SOCS2: variants seen among roughly 807,000 people sequenced by gnomAD.
The protein encoded by SOCS2 is suppressor of cytokine signaling 2.
Under a neutral mutation model 18.6 loss-of-function variants are expected in SOCS2, and 10 were observed. The observed-to-expected ratio is 0.54, with a 90% CI of 0.33 to 0.91. SOCS2 has a LOEUF of 0.91. SOCS2 is among the 40% of genes least tolerant of loss of function. The probability of loss-of-function intolerance (pLI) is 0.02; values close to 1 mark genes in which losing one functional copy is unlikely to be tolerated. For missense variants in SOCS2, 231 were observed against 247.2 expected (o/e 0.93, Z 0.44); for synonymous variants, 104 against 104.0 (o/e 1.00, Z 0.00).
At chr12:93,590,434 G>C in the SOCS2 span, among the ~76,000 whole-genome samples, 275 of 152,136 alleles carry the variant, frequency 1.8e-3, no homozygotes, top group African/African-American at 6.4e-3. Flanking sequence ...TCTGATTGCT[G>C]TTTACTGTTC....
chr12:93,606,859 G>A, the SOCS2 span, among the ~76,000 whole-genome samples: 2 of 152,056 alleles, frequency 1.3e-5, no homozygotes, highest in African/African-American at 4.8e-5. Context: ...TGCCATGTTG[G>A]TCAGGCTGGT....
the SOCS2 span, among the ~76,000 whole-genome samples, chr12:93,614,692 T>C: frequency 6.7e-6 from 1 of 148,974 alleles, no homozygotes. Context: ...CTCAGCCCAC[T>C]GCTACCTCTG....
upstream of SOCS2, chr12:93,572,355 C>T (rs1954286402): frequency 3.4e-6 from 1 of 298,282 alleles, no homozygotes; most frequent in East Asian, 9.1e-5. The surrounding 1 kb of genome is among the most constrained non-coding windows in gnomAD (Gnocchi z 5.0). Context: ...TGACAAGGGC[C>T]TATTCCCACT....
At chr12:93,602,915 C>G in the SOCS2 span, among the ~76,000 whole-genome samples, 2 of 152,168 alleles carry the variant, frequency 1.3e-5, no homozygotes, top group African/African-American at 4.8e-5. Context: ...TTGTAGTTTT[C>G]TAGGTGAAGT....
chr12:93,570,852 G>A (rs1954221551), upstream of SOCS2: 1 of 152,340 alleles, frequency 6.6e-6, no homozygotes, highest in South Asian at 2.1e-4. Flanking sequence ...TTGCGACCGA[G>A]CCTCTTTAAA....
chr12:93,623,476 GTGCAGGT>G, the SOCS2 span, among the ~76,000 whole-genome samples: 6 of 151,896 alleles, frequency 4.0e-5, no homozygotes, highest in Non-Finnish European at 8.8e-5. Flanking sequence ...TGTGCACAAT[GTGCAGGT>G]TAGTTACATA....
At chr12:93,593,776 G>A in the SOCS2 span, among the ~76,000 whole-genome samples, 1 of 152,110 alleles carries the variant, frequency 6.6e-6, no homozygotes, top group African/African-American at 2.4e-5. Flanking sequence ...AGATCTGGGT[G>A]TCAGCAAAAA....
At chr12:93,572,095 A>G (rs115937694), upstream of SOCS2, 3,882 of 173,756 alleles carry the variant, frequency 0.022, 167 homozygotes, top group African/African-American at 0.089. The surrounding 1 kb of genome is among the most constrained non-coding windows in gnomAD (Gnocchi z 5.0). Context: ...GGCACCCCCA[A>G]CCCCGCCAGA....
chr12:93,586,045 GC>G (rs1954582898), downstream of SOCS2, among the ~76,000 whole-genome samples: 1 of 151,816 alleles, frequency 6.6e-6, no homozygotes, highest in African/African-American at 2.4e-5. Flanking sequence ...ATTTTTTATT[GC>G]TTTTTTTTCC....
At chr12:93,624,705 T>TGA in the SOCS2 span, among the ~76,000 whole-genome samples, 2 of 152,156 alleles carry the variant, frequency 1.3e-5, no homozygotes, top group Non-Finnish European at 2.9e-5. Flanking sequence ...GAACAGAGTG[T>TGA]GATACATGAA....
chr12:93,614,558 T>C, the SOCS2 span, among the ~76,000 whole-genome samples: 3 of 42,964 alleles, frequency 7.0e-5, no homozygotes, highest in African/African-American at 2.8e-4. Context: ...TTTCTTTCTT[T>C]CTTTCTTTCT....
chr12:93,605,182 C>T, the SOCS2 span, among the ~76,000 whole-genome samples: 1 of 152,196 alleles, frequency 6.6e-6, no homozygotes, highest in African/African-American at 2.4e-5. Flanking sequence ...TTACCAATGC[C>T]ACCACCACCA....
the SOCS2 span, among the ~76,000 whole-genome samples, chr12:93,596,034 T>G: frequency 1.3e-5 from 2 of 152,192 alleles, no homozygotes; most frequent in South Asian, 2.1e-4. Context: ...AATTTAATAC[T>G]TCTCAGAACT....
At chr12:93,609,165 G>T in the SOCS2 span, among the ~76,000 whole-genome samples, 10 of 152,158 alleles carry the variant, frequency 6.6e-5, no homozygotes, top group Non-Finnish European at 1.5e-4. Context: ...GCCGAGGCAG[G>T]CAAATCACCT....
chr12:93,575,343 G>A lies in SOCS2; in HGVS notation c.*164G>A. On this transcript the variant is annotated 3_prime_UTR_variant, in exon 2 of 2. Coordinates refer to ENST00000551556, the MANE Select transcript of SOCS2 (RefSeq NM_001270471.2). ...TAACAGCTTGAAGAGGTAGCTAGGTGTTTAAAGTTCCTCCAGATACTTTTA... is the reference window on the plus strand; with the variant it reads ...TAACAGCTTGAAGAGGTAGCTAGGTATTTAAAGTTCCTCCAGATACTTTTA... The A allele has an allele frequency of 2.1e-6, 1 of 474,358 alleles. No homozygotes were observed. The highest frequency in any genetic ancestry group is 3.7e-6 in the Non-Finnish European group (1 of 273,244). 29.4% of individuals were successfully genotyped at this position (474,358 alleles called of 1,614,324 possible). A position where few individuals can be genotyped will look rare whatever the true frequency, so the allele number is the denominator to read the frequency against.
At chr12:93,612,181 T>TA in the SOCS2 span, among the ~76,000 whole-genome samples, 1 of 152,246 alleles carries the variant, frequency 6.6e-6, no homozygotes, top group African/African-American at 2.4e-5. Context: ...CATTTTGCAC[T>TA]AAAAAAATTT....
chr12:93,625,313 A>G, the SOCS2 span, among the ~76,000 whole-genome samples: 4 of 152,304 alleles, frequency 2.6e-5, no homozygotes, highest in South Asian at 6.2e-4. Context: ...AGTATACTCC[A>G]CTTTCTCAGT....
chr12:93,610,451 C>A, the SOCS2 span, among the ~76,000 whole-genome samples: 7 of 152,198 alleles, frequency 4.6e-5, no homozygotes, highest in African/African-American at 7.2e-5. Context: ...TCTGACAAAG[C>A]TCCCAAGTGC....
chr12:93,608,870 G>A, the SOCS2 span, among the ~76,000 whole-genome samples: 1 of 152,130 alleles, frequency 6.6e-6, no homozygotes, highest in Non-Finnish European at 1.5e-5. Flanking sequence ...AGCTTAATTG[G>A]TGTTCCTTTA....
Sources: gnomAD v4.1 joint callset for allele counts (sites outside exome capture counted in the v4.1 genomes callset) on GRCh38, gnomAD v4.1.1 for gene constraint, Gnocchi (gnomAD v3.1) non-coding constraint, MANE v1.5 for transcripts, NCBI Gene and HGNC (gene_info 2026-07-23, HGNC 2026-07-21) for gene names.